The following RASA2 variants were observed in gnomAD, a reference collection of about 807,000 sequenced individuals.
The protein encoded by RASA2 is ras GTPase-activating protein 2.
Under a neutral mutation model 118.2 loss-of-function variants are expected in RASA2, and 155 were observed. The ratio of observed to expected loss-of-function variants is 1.31; its 90% CI spans 1.15 to 1.50. The LOEUF (loss-of-function observed/expected upper bound fraction) is 1.50. Among genes scored for constraint, RASA2 ranks in the 40% most tolerant of loss-of-function variants. The pLI, the probability that RASA2 is intolerant of heterozygous loss-of-function variation, is 0.00. For missense variants in RASA2, 1,016 were observed against 1,009.6 expected (o/e 1.01, Z -0.09); for synonymous variants, 353 against 349.1 (o/e 1.01, Z -0.12).
intron 20 of RASA2, 56 bp from the exon 21 acceptor site, chr3:141,608,433 T>C (rs2083582616): frequency 2.0e-6 from 3 of 1,518,008 alleles, no homozygotes; most frequent in East Asian, 2.3e-5. Context: ...TGTTTTGTAC[T>C]GTGTGTTGGT....
At chr3:141,552,696 ATTTC>A (rs1298953938) in intron 5 of RASA2, among the ~76,000 whole-genome samples, 3 of 152,110 alleles carry the variant, frequency 2.0e-5, no homozygotes, top group South Asian at 2.1e-4. Flanking sequence ...TAGTTTCAAA[ATTTC>A]TTTCTTTATT....
intron 1 of RASA2, among the ~76,000 whole-genome samples, chr3:141,507,847 A>G (rs180697587): frequency 6.6e-6 from 1 of 152,308 alleles, no homozygotes; most frequent in East Asian, 1.9e-4. Flanking sequence ...TGGAACTTAA[A>G]TCACATTTAC....
At chr3:141,565,685 G>T (rs1311508072) in intron 9 of RASA2, among the ~76,000 whole-genome samples, 1 of 152,204 alleles carries the variant, frequency 6.6e-6, no homozygotes, top group Non-Finnish European at 1.5e-5. Context: ...CCCCAGCCGT[G>T]TGGAACTATG....
At position 141,609,544 on chromosome 3, in the gene RASA2, T is replaced by C. The variant is rs776057821; in HGVS notation, c.2329+21T>C. 6 of 1,489,934 alleles carry C rather than the reference T, an allele frequency of 4.0e-6. No individual in the cohort carries two copies. The African/African-American group carries it at 8.3e-5, about 21-fold the overall frequency. The allele number at this position is 1,489,934 out of a possible 1,614,324, so 92.3% of individuals were successfully genotyped here. ...GGAAGGTAAATACACAATCTATTTTTATATAACCATAATCTTTCATTACCA... is the reference window on the plus strand; with the variant it reads ...GGAAGGTAAATACACAATCTATTTTCATATAACCATAATCTTTCATTACCA... On this transcript the variant is annotated intron_variant, in intron 22 of 23. Coordinates refer to ENST00000286364, the MANE Select transcript of RASA2 (RefSeq NM_006506.5).
chr3:141,606,939 T>C (rs2083558437), intron 19 of RASA2, among the ~76,000 whole-genome samples: 1 of 152,206 alleles, frequency 6.6e-6, no homozygotes, highest in Non-Finnish European at 1.5e-5. Context: ...TTATGTTTGC[T>C]TATAGTTTCT....
intron 4 of RASA2, among the ~76,000 whole-genome samples, chr3:141,539,987 A>T (rs2082384095): frequency 6.6e-6 from 1 of 152,160 alleles, no homozygotes; most frequent in African/African-American, 2.4e-5. Flanking sequence ...TACATCTTTA[A>T]CATCTATGGA....
rs759500689 is a variant in RASA2 at position 141,558,923 on chromosome 3, TC to T, written c.724del (p.Gln242ArgfsTer2). On this transcript the variant is annotated frameshift_variant, in exon 8 of 24. Transcript: ENST00000286364. LOFTEE classifies it high-confidence loss of function. ...RSSSYTRKSQ[F>X]QVEEEDIEKL... The stretch of plus-strand genomic sequence containing the variant: ...AGTAGTTACACCAGAAAGTCCCAGT[TC>T]CAGGTAGAAGAGGAGGACATTGAAA... The T allele has an allele frequency of 1.2e-6, 2 of 1,608,090 alleles. No homozygotes were observed. Among genetic ancestry groups the T allele is most frequent in the Non-Finnish European group, 1.7e-6 (2 of 1,175,182 alleles).
intron 17 of RASA2, among the ~76,000 whole-genome samples, chr3:141,585,538 C>T (rs143124952): frequency 5.9e-5 from 9 of 152,288 alleles, no homozygotes; most frequent in African/African-American, 1.4e-4. Flanking sequence ...GTGGCTCACA[C>T]CTGTAATTCC....
intron 19 of RASA2, chr3:141,587,026 A>G: frequency 4.5e-6 from 2 of 447,648 alleles, no homozygotes; most frequent in Non-Finnish European, 8.2e-6. Context: ...ACTGTTATTT[A>G]TCAAAGAACA....
intron 4 of RASA2, 122 bp downstream of exon 4, chr3:141,529,924 T>A: frequency 1.4e-6 from 1 of 726,326 alleles, no homozygotes; most frequent in Non-Finnish European, 2.2e-6. Flanking sequence ...TAGCATCAAA[T>A]ATTATAGACT....
At chr3:141,597,967 T>C (rs1038824422) in intron 19 of RASA2, among the ~76,000 whole-genome samples, 3 of 152,190 alleles carry the variant, frequency 2.0e-5, no homozygotes, top group Admixed American at 6.5e-5. Flanking sequence ...TTCAGATGAA[T>C]GGACAAATTT....
At chr3:141,573,617 G>T (rs776733246) in intron 13 of RASA2, among the ~76,000 whole-genome samples, 10 of 152,182 alleles carry the variant, frequency 6.6e-5, no homozygotes, top group Non-Finnish European at 1.3e-4. Context: ...TATTGCAGTG[G>T]ATAATAGTGT....
chr3:141,555,185 C>G (rs2082630799), intron 6 of RASA2, among the ~76,000 whole-genome samples: 1 of 152,132 alleles, frequency 6.6e-6, no homozygotes, highest in South Asian at 2.1e-4. Context: ...CGCTTGAACC[C>G]TGAGGCGAAG....
chr3:141,609,417 T>C lies in RASA2; in HGVS notation c.2226-3T>C. ...TATCTTTATTTTTTTATTTTTACCA[T>C]AGAGGTGTCCCTGCAGACATCCAAA... is the stretch of plus-strand genomic sequence containing the variant. On this transcript the variant is annotated splice_region_variant and splice_polypyrimidine_tract_variant and intron_variant, in intron 21 of 23. Coordinates refer to ENST00000286364, the MANE Select transcript of RASA2 (RefSeq NM_006506.5). The C allele has an allele frequency of 3.3e-6, 5 of 1,521,104 alleles. 1 individual carries two copies. Among genetic ancestry groups the C allele is most frequent in the East Asian group, 4.7e-5 (2 of 42,954 alleles). The allele number at this position is 1,521,104 out of a possible 1,614,324, so 94.2% of individuals were successfully genotyped here.
rs2082968768 is a variant in RASA2 at position 141,574,055 on chromosome 3, C to CA, written c.1472dup (p.Arg492GlufsTer4). Reference sequence around the variant, plus strand: ...TTATTCTCTAAGGCAGATGGCTACTCAGAGATTTCCTAGTAAGTGCCTTGT... The same window carrying CA: ...TTATTCTCTAAGGCAGATGGCTACTCAAGAGATTTCCTAGTAAGTGCCTTGT... On this transcript the variant is annotated frameshift_variant, in exon 14 of 24. Coordinates refer to ENST00000286364, the MANE Select transcript of RASA2 (RefSeq NM_006506.5). LOFTEE classifies it high-confidence loss of function. 6.7e-7 allele frequency: 1 copy of CA among 1,482,928 alleles called. No individual in the cohort carries two copies. The highest frequency in any genetic ancestry group is 9.0e-7 in the Non-Finnish European group (1 of 1,108,246). 91.9% of individuals were successfully genotyped at this position (1,482,928 alleles called of 1,614,324 possible). A position where few individuals can be genotyped will look rare whatever the true frequency, so the allele number is the denominator to read the frequency against.
chr3:141,576,904 T>C, intron 14 of RASA2, 96 bp from the exon 15 acceptor site: 1 of 673,294 alleles, frequency 1.5e-6, no homozygotes, highest in Non-Finnish European at 2.4e-6. Context: ...ATTATGTTGC[T>C]CTCCTAGTTT....
At chr3:141,548,610 G>A (rs567079856) in intron 5 of RASA2, among the ~76,000 whole-genome samples, 1 of 152,032 alleles carries the variant, frequency 6.6e-6, no homozygotes, top group South Asian at 2.1e-4. Context: ...TTTTAGTATT[G>A]CTAAAGGCAT....
At position 141,571,523 on chromosome 3, in the gene RASA2, G is replaced by A. The variant is rs1344227897; in HGVS notation, c.1138G>A (p.Ala380Thr). 2.5e-6 allele frequency: 4 copies of A among 1,612,712 alleles called. No individual in the cohort carries two copies. The highest frequency in any genetic ancestry group is 1.7e-5 in the Admixed American group (1 of 59,792). Residue 380 changes from alanine (A) to threonine (T), a missense_variant, in exon 11 of 24, where the codon GCT becomes ACT. Physicochemically the swap from Ala to Thr is moderately conservative, Grantham distance 58. Around this residue, in one of 2 missense-constraint regions of RASA2, gnomAD observed 896 missense variants for 836.4 expected, o/e 1.07. Coordinates refer to ENST00000286364, the MANE Select transcript of RASA2 (RefSeq NM_006506.5). ...HHDKLVPFAT[A>T]VAELDLKDTQ... ...TGATAAACTTGTTCCTTTTGCCACT[G>A]CTGTGGCTGAATTAGACTTGAAGGA...
intron 3 of RASA2, among the ~76,000 whole-genome samples, chr3:141,520,673 C>T (rs963726290): frequency 1.3e-5 from 2 of 151,950 alleles, no homozygotes; most frequent in Non-Finnish European, 1.5e-5. Flanking sequence ...CACATATATA[C>T]ACATACACTT....
Sources: gnomAD v4.1 joint callset for allele counts (sites outside exome capture counted in the v4.1 genomes callset) on GRCh38, gnomAD v4.1.1 for gene constraint, gnomAD v4.1.1 regional missense constraint, MANE v1.5 for transcripts, NCBI Gene and HGNC (gene_info 2026-07-23, HGNC 2026-07-21) for gene names.